The following FRAS1 variants were observed in gnomAD, a reference collection of about 807,000 sequenced individuals.
FRAS1 encodes Fraser extracellular matrix complex subunit 1, also known as extracellular matrix organizing protein FRAS1.
Under a neutral mutation model 435.2 loss-of-function variants are expected in FRAS1, and 290 were observed. The observed-to-expected ratio is 0.67, with a 90% CI of 0.61 to 0.73. FRAS1 has a LOEUF of 0.73. Ranked by LOEUF, FRAS1 falls within the 30% of genes least tolerant of loss-of-function variation. The pLI, the probability that FRAS1 is intolerant of heterozygous loss-of-function variation, is 0.00. For missense variants in FRAS1, 4,860 were observed against 5,001.5 expected (o/e 0.97, Z 0.85); for synonymous variants, 1,800 against 1,851.0 (o/e 0.97, Z 0.71).
chr4:78,294,573 T>C (rs1252226589), intron 14 of FRAS1, among the ~76,000 whole-genome samples: 2 of 152,214 alleles, frequency 1.3e-5, no homozygotes, highest in Admixed American at 6.5e-5. Context: ...CTCTGACTTA[T>C]GAAGCAATGA....
chr4:78,275,878 G>A (rs1726992085), intron 9 of FRAS1, among the ~76,000 whole-genome samples: 1 of 152,180 alleles, frequency 6.6e-6, no homozygotes, highest in African/African-American at 2.4e-5. Context: ...CTAGATTGGG[G>A]AAGTTCTCCT....
rs139760619 is a variant in FRAS1, at chr4:78,469,111, G to A, written c.7258-867G>A. Among the ~76,000 whole-genome samples the A allele has an allele frequency of 8.5e-5, 13 of 152,248 alleles. No homozygotes were observed. The East Asian group carries it at 2.5e-3, about 29-fold the overall frequency. On this transcript the variant is annotated intron_variant, in intron 50 of 73. Coordinates refer to ENST00000512123, the MANE Select transcript of FRAS1 (RefSeq NM_025074.7). Reference sequence around the variant, plus strand: ...TCCCCAGTTAGTTTGACTTTCAGAAGAGAAAAAAGATTTCAGGATATATCA... The same window carrying A: ...TCCCCAGTTAGTTTGACTTTCAGAAAAGAAAAAAGATTTCAGGATATATCA...
intron 14 of FRAS1, among the ~76,000 whole-genome samples, chr4:78,292,196 T>C (rs1727931802): frequency 6.6e-6 from 1 of 152,212 alleles, no homozygotes; most frequent in African/African-American, 2.4e-5. Context: ...CATTAATGTC[T>C]CATCTAAATA....
At chr4:78,452,435 T>C (rs1719055389) in intron 47 of FRAS1, 81 bp downstream of exon 47, 1 of 1,069,290 alleles carries the variant, frequency 9.4e-7, no homozygotes, top group Non-Finnish European at 1.3e-6. Flanking sequence ...ATGTATCATG[T>C]ATACCTAGAA....
chr4:78,274,385 T>C (rs1726885489), intron 9 of FRAS1, among the ~76,000 whole-genome samples: 1 of 152,238 alleles, frequency 6.6e-6, no homozygotes, highest in South Asian at 2.1e-4. Context: ...CTTGCTTCTC[T>C]AGTTCCTTTC....
Position 78,496,913 on chromosome 4 carries a change from A to T in FRAS1, c.9067A>T (p.Ile3023Phe). Reference protein sequence around the residue: ...PLGNHWSGARIGKNNMATITI... With the variant: ...PLGNHWSGARFGKNNMATITI... The stretch of plus-strand genomic sequence containing the variant: ...TGGAAACCACTGGAGTGGAGCTAGA[A>T]TTGGAAAGAATAACATGGCCACCAT... Residue 3023 changes from isoleucine (I) to phenylalanine (F), a missense_variant, in exon 60 of 74, where the codon ATT (isoleucine) becomes TTT (phenylalanine). By Grantham distance (21) the Ile-to-Phe change is conservative. Coordinates refer to ENST00000512123, the MANE Select transcript of FRAS1 (RefSeq NM_025074.7). 6.2e-7 allele frequency: 1 copy of T among 1,613,792 alleles called. No homozygotes were observed. The highest frequency in any genetic ancestry group is 8.5e-7 in the Non-Finnish European group (1 of 1,179,708).
At chr4:78,255,570 A>C (rs1725753021) in intron 6 of FRAS1, among the ~76,000 whole-genome samples, 195 bp downstream of exon 6, 3 of 152,222 alleles carry the variant, frequency 2.0e-5, no homozygotes, top group Admixed American at 1.3e-4. Flanking sequence ...TCTAATTACC[A>C]GCCACTTAGG....
chr4:78,368,121 T>C (rs1366202961), intron 22 of FRAS1, among the ~76,000 whole-genome samples: 2 of 149,468 alleles, frequency 1.3e-5, no homozygotes, highest in African/African-American at 5.1e-5. Context: ...AAAATTAAGA[T>C]ACACCATGCA....
chr4:78,235,498 A>T (rs1724713572), intron 2 of FRAS1, among the ~76,000 whole-genome samples: 1 of 152,206 alleles, frequency 6.6e-6, no homozygotes, highest in South Asian at 2.1e-4. Flanking sequence ...AGGGTGAGAA[A>T]GTTTAGAAAG....
At chr4:78,433,790 C>T (rs1433657736) in intron 38 of FRAS1, among the ~76,000 whole-genome samples, 4 of 152,316 alleles carry the variant, frequency 2.6e-5, no homozygotes, top group South Asian at 2.1e-4. Flanking sequence ...CAGACGATCA[C>T]CAGAGCTTGA....
intron 45 of FRAS1, among the ~76,000 whole-genome samples, chr4:78,451,223 A>G (rs1719012034): frequency 6.6e-6 from 1 of 152,232 alleles, no homozygotes; most frequent in African/African-American, 2.4e-5. Flanking sequence ...TAGGTTAACA[A>G]AAATGTAATA....
rs1722066765 is a variant in FRAS1 at position 78,541,884 on chromosome 4, A to G, written c.*760A>G. ...TCACCCCAGGGAGGTGTCTGTTCCCAACTAGTTTATGTGGCACTGAGACAT... is the reference window on the plus strand; with the variant it reads ...TCACCCCAGGGAGGTGTCTGTTCCCGACTAGTTTATGTGGCACTGAGACAT... On this transcript the variant is annotated 3_prime_UTR_variant, in exon 74 of 74. Transcript: ENST00000512123. 6.6e-6 allele frequency: 1 copy of G among 152,176 alleles called. No homozygotes were observed. The highest frequency in any genetic ancestry group is 2.4e-5 in the African/African-American group (1 of 41,428). 9.4% of individuals were successfully genotyped at this position (152,176 alleles called of 1,614,324 possible). A position where few individuals can be genotyped will look rare whatever the true frequency, so the allele number is the denominator to read the frequency against.
chr4:78,265,205 C>T (rs1393304339), intron 7 of FRAS1, 97 bp downstream of exon 7: 2 of 679,950 alleles, frequency 2.9e-6, no homozygotes, highest in Non-Finnish European at 5.0e-6. Flanking sequence ...ACCCTCATGT[C>T]TGACTCTGCC....
At chr4:78,485,684 C>T (rs1022978359) in intron 58 of FRAS1, among the ~76,000 whole-genome samples, 1 of 152,140 alleles carries the variant, frequency 6.6e-6, no homozygotes, top group South Asian at 2.1e-4. Flanking sequence ...TTGCAACAGA[C>T]CTTTAACTTG....
chr4:78,387,314 A>C, intron 28 of FRAS1, 61 bp from the exon 29 acceptor site: 1 of 1,188,132 alleles, frequency 8.4e-7, no homozygotes, highest in South Asian at 1.5e-5. Context: ...TCAGGTATCT[A>C]GTCCACTGGA....
At chr4:78,373,429 G>A (rs1417160243) in intron 24 of FRAS1, among the ~76,000 whole-genome samples, 6 of 147,970 alleles carry the variant, frequency 4.1e-5, no homozygotes, top group African/African-American at 1.5e-4. Flanking sequence ...CAGCAAAACA[G>A]TACTGAGAGC....
At chr4:78,188,814 G>A (rs1158546908) in intron 2 of FRAS1, among the ~76,000 whole-genome samples, 5 of 152,090 alleles carry the variant, frequency 3.3e-5, no homozygotes, top group Non-Finnish European at 7.3e-5. Context: ...ATAATCACTG[G>A]TTTAGTCCTT....
intron 14 of FRAS1, among the ~76,000 whole-genome samples, chr4:78,293,106 A>G (rs73827946): frequency 0.026 from 3,938 of 152,330 alleles, 174 homozygotes; most frequent in African/African-American, 0.089. Context: ...CCTCTAGTTA[A>G]GGAACTTAAC....
intron 3 of FRAS1, among the ~76,000 whole-genome samples, chr4:78,241,353 G>A (rs755476940): frequency 1.1e-4 from 17 of 152,146 alleles, no homozygotes; most frequent in Non-Finnish European, 1.5e-4. Flanking sequence ...CAGGAATCTT[G>A]CCATCTTCAC....
Sources: allele counts gnomAD v4.1 joint callset (sites outside exome capture counted in the v4.1 genomes callset), GRCh38; gene constraint gnomAD v4.1.1; transcripts MANE v1.5; gene names NCBI Gene and HGNC (gene_info 2026-07-23, HGNC 2026-07-21).